The following SIM1 variants were observed in gnomAD, a reference collection of about 807,000 sequenced individuals.
SIM1 encodes the protein single-minded homolog 1.
Under a neutral mutation model 78.2 loss-of-function variants are expected in SIM1, and 18 were observed. That is an observed-to-expected ratio of 0.23 (90% CI 0.16 to 0.34). SIM1 has a LOEUF of 0.34. SIM1 is among the 10% of genes least tolerant of loss of function. The probability of loss-of-function intolerance (pLI) is 1.00; values close to 1 mark genes in which losing one functional copy is unlikely to be tolerated. For synonymous variants in SIM1, 417 were observed against 385.2 expected (o/e 1.08, Z -0.97); for missense variants, 939 against 975.1 (o/e 0.96, Z 0.49).
At chr6:100,454,756 C>T (rs945722111) in intron 2 of SIM1, among the ~76,000 whole-genome samples, 3 of 152,096 alleles carry the variant, frequency 2.0e-5, no homozygotes, top group African/African-American at 4.8e-5. Flanking sequence ...TAAAACGCTC[C>T]GGACTCTTGT....
chr6:100,393,996 G>A (rs529058648), intron 10 of SIM1, 107 bp from the exon 11 acceptor site: 2 of 1,188,992 alleles, frequency 1.7e-6, no homozygotes, highest in South Asian at 1.7e-5. Flanking sequence ...CACCCTTAAG[G>A]TCTCATTGTC....
At chr6:100,426,375 C>T (rs1045700565) in intron 9 of SIM1, among the ~76,000 whole-genome samples, 34 of 152,268 alleles carry the variant, frequency 2.2e-4, no homozygotes, top group African/African-American at 8.2e-4. Flanking sequence ...AACTCAAATT[C>T]CAATAGAGAA....
chr6:100,421,094 G>A, intron 9 of SIM1, 136 bp from the exon 10 acceptor site: 1 of 774,500 alleles, frequency 1.3e-6, no homozygotes, highest in Non-Finnish European at 2.0e-6. Flanking sequence ...GCTTCCACAA[G>A]CACCTGGATT....
At chr6:100,391,679 T>C (rs1161868870) in intron 11 of SIM1, among the ~76,000 whole-genome samples, 1 of 152,226 alleles carries the variant, frequency 6.6e-6, no homozygotes, top group Non-Finnish European at 1.5e-5. Context: ...TGTTCATTTT[T>C]AGAGTATTTG....
intron 10 of SIM1, among the ~76,000 whole-genome samples, chr6:100,407,076 T>G (rs1369756930): frequency 6.6e-6 from 1 of 152,216 alleles, no homozygotes; most frequent in East Asian, 1.9e-4. Context: ...GTATTCATCT[T>G]TCTTTATGTG....
At position 100,450,696 on chromosome 6, in the gene SIM1, T is replaced by TCTCTCTCTCTCTCACACA. The variant is rs1421452803; in HGVS notation, c.259-341_259-340insTGTGTGAGAGAGAGAGAG. ...CTCTCTCTCTCTCTCTCTCTCTCTC[T>TCTCTCTCTCTCTCACACA]CACACACACACACACACACACACAC... On this transcript the variant is annotated intron_variant, in intron 3 of 11. Coordinates refer to ENST00000369208, the MANE Select transcript of SIM1 (RefSeq NM_005068.3). 4.7e-3 allele frequency among the ~76,000 whole-genome samples: 433 copies of TCTCTCTCTCTCTCACACA among 91,892 alleles called. 2 individuals are homozygous for TCTCTCTCTCTCTCACACA. Among genetic ancestry groups the TCTCTCTCTCTCTCACACA allele is most frequent in the African/African-American group, 0.011 (280 of 25,556 alleles). 60.3% of individuals were successfully genotyped at this position (91,892 alleles called of 152,430 possible).
intron 9 of SIM1, among the ~76,000 whole-genome samples, chr6:100,433,071 C>G (rs1218761908): frequency 2.6e-5 from 4 of 152,174 alleles, no homozygotes; most frequent in Non-Finnish European, 5.9e-5. Flanking sequence ...ACTACCCCAT[C>G]TTTCAAGTCA....
intron 2 of SIM1, among the ~76,000 whole-genome samples, chr6:100,459,994 G>C (rs1205318708): frequency 2.0e-5 from 3 of 152,270 alleles, no homozygotes; most frequent in Middle Eastern, 3.4e-3. Flanking sequence ...TCTTTGCAAG[G>C]CTACTTTGGA....
rs1772909775 is a variant in SIM1 at position 100,463,587 on chromosome 6, G to A, written c.-119C>T. The A allele has an allele frequency of 2.1e-6, 2 of 936,854 alleles. No individual in the cohort carries two copies. Among genetic ancestry groups the A allele is most frequent in the Non-Finnish European group, 3.3e-6 (2 of 613,760 alleles). The allele number at this position is 936,854 out of a possible 1,614,324, so 58.0% of individuals were successfully genotyped here. Reference sequence around the variant, plus strand: ...AAACATAAAACATACTTTGAATAAAGAGGCTGAAGTATTTGCACCAAGAAC... The same window carrying A: ...AAACATAAAACATACTTTGAATAAAAAGGCTGAAGTATTTGCACCAAGAAC... On this transcript the variant is annotated 5_prime_UTR_variant, in exon 2 of 12. Transcript: ENST00000369208.
At chr6:100,457,742 C>T (rs1369538738) in intron 2 of SIM1, among the ~76,000 whole-genome samples, 1 of 152,252 alleles carries the variant, frequency 6.6e-6, no homozygotes, top group Non-Finnish European at 1.5e-5. Flanking sequence ...CCACCTCTGG[C>T]ACTGCTGCCC....
Position 100,463,460 on chromosome 6 carries a change from T to A in SIM1, c.9A>T (p.Glu3Asp). 1.2e-6 allele frequency: 2 copies of A among 1,605,892 alleles called. No homozygotes were observed. Among genetic ancestry groups the A allele is most frequent in the Non-Finnish European group, 1.7e-6 (2 of 1,173,136 alleles). The part of the protein sequence containing the change: MK[E>D]KSKNAARTRR... ...TAGTCCGCGCAGCATTTTTGGACTT[T>A]TCTTTCATTGTGTCTTGTTCCCCCT... is the stretch of plus-strand genomic sequence containing the variant. The change falls in exon 2 of 12, where the codon GAA (glutamate) becomes GAT (aspartate). Residue 3 changes from glutamate (E) to aspartate (D), a missense_variant. Physicochemically the swap from Glu to Asp is conservative, Grantham distance 45 (BLOSUM62 2). Coordinates refer to ENST00000369208, the MANE Select transcript of SIM1 (RefSeq NM_005068.3).
intron 9 of SIM1, among the ~76,000 whole-genome samples, chr6:100,429,368 CA>C (rs34978126): frequency 0.81 from 107,609 of 133,118 alleles, 43,115 homozygotes; most frequent in East Asian, 0.92. Context: ...GACTCTGTCT[CA>C]AAAAAAAAAA....
rs1230488666 is a variant in SIM1, at chr6:100,386,605, C to A, written c.*3756G>T. 2 of 152,014 alleles carry A rather than the reference C, an allele frequency of 1.3e-5. No individual in the cohort carries two copies. Among genetic ancestry groups the A allele is most frequent in the Non-Finnish European group, 2.9e-5 (2 of 67,926 alleles). 9.4% of individuals were successfully genotyped at this position (152,014 alleles called of 1,614,324 possible). On this transcript the variant is annotated 3_prime_UTR_variant, in exon 12 of 12. Transcript: ENST00000369208. ...AAGGAGAAATAAAAATTGGAGCACA[C>A]TACCCTTTTCTAGAAGATCCCCTAA... is the stretch of plus-strand genomic sequence containing the variant.
At chr6:100,416,979 C>CAA (rs113557389) in intron 10 of SIM1, among the ~76,000 whole-genome samples, 11,771 of 141,254 alleles carry the variant, frequency 0.083, 511 homozygotes, top group East Asian at 0.18. Context: ...TACTAGTTCT[C>CAA]AAAAAAAAAA....
intron 9 of SIM1, chr6:100,427,041 G>A (rs577048822): frequency 2.6e-5 from 4 of 152,210 alleles, no homozygotes; most frequent in African/African-American, 9.6e-5. Context: ...GAATGACTGC[G>A]CCTTACAGTA....
At chr6:100,416,005 C>T (rs1582624210) in intron 10 of SIM1, among the ~76,000 whole-genome samples, 1 of 152,124 alleles carries the variant, frequency 6.6e-6, no homozygotes, top group South Asian at 2.1e-4. Flanking sequence ...AGGATGCCTG[C>T]AGCTGCATGA....
At position 100,437,077 on chromosome 6, in the gene SIM1, A is replaced by G. The variant is rs115869367; in HGVS notation, c.998+10191T>C. Among the ~76,000 whole-genome samples the G allele has an allele frequency of 6.5e-3, 986 of 152,236 alleles. 12 individuals are homozygous for G. Among genetic ancestry groups the G allele is most frequent in the African/African-American group, 0.023 (941 of 41,532 alleles). ...TAAAAATAGAGAGATAGTGTAGTTA[A>G]GCAATTTGTCCATAGTCACTGGGCT... On this transcript the variant is annotated intron_variant, in intron 9 of 11. Coordinates refer to ENST00000369208, the MANE Select transcript of SIM1 (RefSeq NM_005068.3).
At chr6:100,444,470 G>T (rs1333970233) in intron 9 of SIM1, among the ~76,000 whole-genome samples, 1 of 151,990 alleles carries the variant, frequency 6.6e-6, no homozygotes, top group Admixed American at 6.6e-5. Flanking sequence ...CTTTTGTTTT[G>T]GAGCAAGGGT....
rs980900919 is a variant in SIM1 at position 100,385,047 on chromosome 6, A to C, written c.*5314T>G. On this transcript the variant is annotated 3_prime_UTR_variant, in exon 12 of 12. Coordinates refer to ENST00000369208, the MANE Select transcript of SIM1 (RefSeq NM_005068.3). ...TGGTAACTATATTTTAAACCAAAAA[A>C]TTCCTCACATAATAAATACATTTTA... 6.6e-6 allele frequency: 1 copy of C among 152,072 alleles called. No individual in the cohort carries two copies. 9.4% of individuals were successfully genotyped at this position (152,072 alleles called of 1,614,324 possible). A position where few individuals can be genotyped will look rare whatever the true frequency, so the allele number is the denominator to read the frequency against.
Sources: allele counts gnomAD v4.1 joint callset (sites outside exome capture counted in the v4.1 genomes callset), GRCh38; gene constraint gnomAD v4.1.1; transcripts MANE v1.5; gene names NCBI Gene and HGNC (gene_info 2026-07-23, HGNC 2026-07-21).